PLCG2: variants seen among roughly 807,000 people sequenced by gnomAD.
The protein encoded by PLCG2 is 1-phosphatidylinositol 4,5-bisphosphate phosphodiesterase gamma-2.
A neutral mutation model predicts 175.6 loss-of-function variants in PLCG2; 69 were observed. The observed-to-expected ratio is 0.39, with a 90% CI of 0.32 to 0.48. PLCG2 has a LOEUF of 0.48. Among genes scored for constraint, PLCG2 ranks in the 20% least tolerant of loss-of-function variants. The pLI is 0.91. For synonymous variants in PLCG2, 827 were observed against 624.0 expected, an observed-to-expected ratio of 1.33 and a Z score of -4.85; for missense variants, 1,798 against 1,650.9, an observed-to-expected ratio of 1.09 and a Z score of -1.54.
At chr16:81,784,065 C>A (rs1910863373) in intron 1 of PLCG2, among the ~76,000 whole-genome samples, 1 of 152,174 alleles carries the variant, frequency 6.6e-6, no homozygotes, top group Non-Finnish European at 1.5e-5. Flanking sequence ...GCACTTGTAA[C>A]TACATTAGAA....
chr16:81,769,317 T>C (rs13334830), intron 2 of PLCG2, among the ~76,000 whole-genome samples: 111 of 152,342 alleles, frequency 7.3e-4, no homozygotes, highest in African/African-American at 2.5e-3. Flanking sequence ...TCTTCCCTGT[T>C]GTTTCAGTGA....
intron 30 of PLCG2, 90 bp from the exon 31 acceptor site, chr16:81,946,085 A>T: frequency 1.1e-6 from 1 of 917,074 alleles, no homozygotes. Context: ...CCTTTGAACT[A>T]GGCCTATGAT....
upstream of PLCG2, among the ~76,000 whole-genome samples, chr16:81,778,352 AGAGT>A (rs367745602): frequency 2.5e-4 from 38 of 152,302 alleles, no homozygotes; most frequent in African/African-American, 8.9e-4. Flanking sequence ...CCTGGGTGAC[AGAGT>A]GAGACCCTGC....
chr16:81,887,870 C>CT (rs1032245874), intron 9 of PLCG2, among the ~76,000 whole-genome samples: 4 of 152,150 alleles, frequency 2.6e-5, no homozygotes, highest in South Asian at 2.1e-4. Flanking sequence ...ATTATGCATT[C>CT]TTTTTTTAAA....
upstream of PLCG2, among the ~76,000 whole-genome samples, chr16:81,774,815 A>G (rs1910364632): frequency 6.6e-6 from 1 of 150,872 alleles, no homozygotes; most frequent in Non-Finnish European, 1.5e-5. Flanking sequence ...ATCTCGGCTC[A>G]CTGCCTGCAA....
chr16:81,762,916 G>C (rs775602807), intron 2 of PLCG2, among the ~76,000 whole-genome samples: 1 of 152,152 alleles, frequency 6.6e-6, no homozygotes, highest in African/African-American at 2.4e-5. Flanking sequence ...TAATTAGCGG[G>C]AATGGTAGCA....
At chr16:81,890,015 G>T (rs574780160) in intron 10 of PLCG2, among the ~76,000 whole-genome samples, 7 of 152,142 alleles carry the variant, frequency 4.6e-5, no homozygotes, top group African/African-American at 1.7e-4. Flanking sequence ...CTGCTGATTG[G>T]TTGGAGATGC....
intron 31 of PLCG2, among the ~76,000 whole-genome samples, chr16:81,950,457 A>G (rs8054962): frequency 0.4 from 60,226 of 152,086 alleles, 14,158 homozygotes; most frequent in South Asian, 0.55. Context: ...TGTATAAAGA[A>G]AAAATCTTTC....
chr16:81,953,009 A>G (rs1000612273), intron 31 of PLCG2, among the ~76,000 whole-genome samples: 1 of 152,254 alleles, frequency 6.6e-6, no homozygotes, highest in Admixed American at 6.5e-5. Flanking sequence ...TCCTGAGGTG[A>G]GACGCTGAGA....
At chr16:81,893,143 G>A (rs1395114375) in intron 11 of PLCG2, among the ~76,000 whole-genome samples, 2 of 152,222 alleles carry the variant, frequency 1.3e-5, no homozygotes, top group African/African-American at 2.4e-5. Context: ...ACAGGCATGA[G>A]CCATCGTGCT....
At chr16:81,934,888 C>T (rs755154760) in intron 26 of PLCG2, among the ~76,000 whole-genome samples, 2 of 152,110 alleles carry the variant, frequency 1.3e-5, no homozygotes, top group Admixed American at 1.3e-4. Context: ...CATCAGATCT[C>T]GCGAGACTTA....
intron 1 of PLCG2, among the ~76,000 whole-genome samples, chr16:81,751,527 A>G (rs989656302): frequency 6.6e-6 from 1 of 152,168 alleles, no homozygotes. Context: ...TAGGAGGAAT[A>G]TGGGTTTTTT....
chr16:81,833,685 A>G (rs956725164), intron 2 of PLCG2, among the ~76,000 whole-genome samples: 2 of 151,044 alleles, frequency 1.3e-5, no homozygotes, highest in African/African-American at 4.9e-5. Context: ...ATGCACCACT[A>G]CTCCTGGCTA....
At chr16:81,907,274 C>A (rs879245006) in intron 15 of PLCG2, among the ~76,000 whole-genome samples, 2 of 150,822 alleles carry the variant, frequency 1.3e-5, no homozygotes, top group Admixed American at 1.3e-4. Context: ...TGGTACTTTA[C>A]AATAAAACCA....
chr16:81,956,204 T>C (rs1911561310), intron 31 of PLCG2, among the ~76,000 whole-genome samples: 1 of 152,178 alleles, frequency 6.6e-6, no homozygotes, highest in Non-Finnish European at 1.5e-5. Context: ...GTTTTCAAGG[T>C]TCATCCACCT....
At chr16:81,916,874 G>A (rs1909866263) in intron 19 of PLCG2, among the ~76,000 whole-genome samples, 1 of 152,120 alleles carries the variant, frequency 6.6e-6, no homozygotes, top group South Asian at 2.1e-4. Context: ...CTGACCTCTG[G>A]TGATCCACCC....
At chr16:81,871,035 T>A in intron 7 of PLCG2, 100 bp downstream of exon 7, 2 of 599,346 alleles carry the variant, frequency 3.3e-6, no homozygotes. Flanking sequence ...GTGTTGAATC[T>A]CCATTTTAGT....
chr16:81,745,914 C>T (rs919139723), intron 1 of PLCG2, among the ~76,000 whole-genome samples: 2 of 152,184 alleles, frequency 1.3e-5, no homozygotes, highest in Non-Finnish European at 2.9e-5. Flanking sequence ...TGTCATACAG[C>T]GAACGACCTG....
chr16:81,882,182 C>T (rs1236948186), intron 8 of PLCG2, among the ~76,000 whole-genome samples: 1 of 152,172 alleles, frequency 6.6e-6, no homozygotes, highest in Non-Finnish European at 1.5e-5. Flanking sequence ...TGGGAAGCCC[C>T]GTGTAGCAGA....
Sources: gnomAD v4.1 joint callset for allele counts (sites outside exome capture counted in the v4.1 genomes callset) on GRCh38, gnomAD v4.1.1 for gene constraint, MANE v1.5 for transcripts, NCBI Gene and HGNC (gene_info 2026-07-23, HGNC 2026-07-21) for gene names.